DDX18: variants seen among roughly 807,000 people sequenced by gnomAD.
DDX18 encodes DEAD-box helicase 18, also known as ATP-dependent RNA helicase DDX18.
DDX18 carries 23 observed loss-of-function variants against 73.5 expected under a neutral mutation model. That is an observed-to-expected ratio of 0.31 (90% confidence interval 0.23 to 0.44). DDX18 has a LOEUF of 0.44. Ranked by LOEUF, DDX18 falls within the 20% of genes least tolerant of loss-of-function variation. The pLI is 1.00. For missense variants in DDX18, 753 were observed against 792.9 expected (o/e 0.95, Z 0.60); for synonymous variants, 268 against 282.7 (o/e 0.95, Z 0.52).
chr2:117,825,607 G>T lies in DDX18; in HGVS notation c.1521+8G>T. On this transcript the variant is annotated splice_region_variant and intron_variant, in intron 10 of 13. Coordinates refer to ENST00000263239, the MANE Select transcript of DDX18 (RefSeq NM_006773.4). ...CCTCCGGATGACCCTAAGGTAACTG[G>T]CATCTTTGGAATATCTTCAGAATGA... 1.2e-6 allele frequency: 2 copies of T among 1,609,710 alleles called. No individual in the cohort carries two copies. The highest frequency in any genetic ancestry group is 8.5e-7 in the Non-Finnish European group (1 of 1,177,750).
At chr2:117,818,094 G>A (rs1679788310) in intron 2 of DDX18, among the ~76,000 whole-genome samples, 1 of 151,998 alleles carries the variant, frequency 6.6e-6, no homozygotes, top group Non-Finnish European at 1.5e-5. Flanking sequence ...TAGTTACAAA[G>A]TATATAAAGT....
At chr2:117,828,067 C>G (rs1679964122) in intron 11 of DDX18, 1 of 152,186 alleles carries the variant, frequency 6.6e-6, no homozygotes, top group African/African-American at 2.4e-5. Flanking sequence ...TTGGATTTCT[C>G]TGATGGCCAG....
At chr2:117,814,888 TCAGAA>T in intron 1 of DDX18, 26 bp downstream of exon 1, 1 of 1,613,446 alleles carries the variant, frequency 6.2e-7, no homozygotes, top group South Asian at 1.1e-5. Context: ...TCGCGGTGGC[TCAGAA>T]GACCCACGCG....
chr2:117,817,346 T>C (rs1679776149), intron 1 of DDX18, 98 bp from the exon 2 acceptor site: 1 of 1,134,092 alleles, frequency 8.8e-7, no homozygotes, highest in Non-Finnish European at 1.2e-6. Context: ...CTAAATAATT[T>C]GTGTCAGGAA....
chr2:117,823,601 A>G (rs1288996191), intron 7 of DDX18, among the ~76,000 whole-genome samples: 3 of 152,170 alleles, frequency 2.0e-5, no homozygotes, highest in African/African-American at 7.2e-5. Context: ...TATATAGGCA[A>G]TCATGTGCAG....
At chr2:117,827,834 A>G (rs1305523956) in intron 11 of DDX18, 1 of 152,198 alleles carries the variant, frequency 6.6e-6, no homozygotes, top group Non-Finnish European at 1.5e-5. Context: ...TCCTTTGGGT[A>G]TATACCCAGT....
At chr2:117,817,401 T>G in intron 1 of DDX18, 43 bp from the exon 2 acceptor site, 1 of 1,515,436 alleles carries the variant, frequency 6.6e-7, no homozygotes, top group Non-Finnish European at 8.8e-7. Flanking sequence ...CTAAGTAAAC[T>G]TCTCCTTCTT....
At position 117,821,850 on chromosome 2, in the gene DDX18, T is replaced by C. The variant is rs377746362; in HGVS notation, c.752-12T>C. The C allele has an allele frequency of 4.3e-6, 7 of 1,613,836 alleles. No homozygotes were observed. The highest frequency in any genetic ancestry group is 5.9e-6 in the Non-Finnish European group (7 of 1,179,874). On this transcript the variant is annotated splice_polypyrimidine_tract_variant and intron_variant, in intron 5 of 13. Transcript: ENST00000263239. ...CAGCCACATTTAGACTTCTACCATATATCATTTTTAGGAACAGGAGTCCTT... is the reference window on the plus strand; with the variant it reads ...CAGCCACATTTAGACTTCTACCATACATCATTTTTAGGAACAGGAGTCCTT...
At chr2:117,822,338 G>C (rs1267291820) in intron 7 of DDX18, 77 bp downstream of exon 7, 2 of 1,151,792 alleles carry the variant, frequency 1.7e-6, no homozygotes, top group African/African-American at 3.1e-5. Context: ...TAGAAAAACT[G>C]TACTAATGCC....
chr2:117,825,549 A>C lies in DDX18; in HGVS notation c.1471A>C (p.Ile491Leu), dbSNP rs747672032. Residue 491 changes from isoleucine (I) to leucine (L), a missense_variant, in exon 10 of 14, where the codon ATT (isoleucine) becomes CTT (leucine). By Grantham distance (5) the Ile-to-Leu change is conservative. This residue lies in a region of DDX18 where 402 missense variants were observed against 419.4 expected (regional missense o/e 0.96). Coordinates refer to ENST00000263239, the MANE Select transcript of DDX18 (RefSeq NM_006773.4). Reference sequence around the variant, plus strand: ...GGATGTGGCAGCGAGAGGACTAGACATTCCTGAAGTCGACTGGATTGTTCA... The same window carrying C: ...GGATGTGGCAGCGAGAGGACTAGACCTTCCTGAAGTCGACTGGATTGTTCA... ...CTDVAARGLD[I>L]PEVDWIVQYD... The C allele has an allele frequency of 6.2e-7, 1 of 1,614,068 alleles. No individual in the cohort carries two copies. Among genetic ancestry groups the C allele is most frequent in the African/African-American group, 1.3e-5 (1 of 74,928 alleles).
intron 10 of DDX18, chr2:117,825,940 TTTCAA>T (rs1326158789): frequency 5.1e-6 from 2 of 389,736 alleles, no homozygotes; most frequent in African/African-American, 4.0e-5. Flanking sequence ...TGAGAAGTAT[TTTCAA>T]CAAACACTGG....
At position 117,814,705 on chromosome 2, in the gene DDX18, G is replaced by A. The variant is rs1679722825; in HGVS notation, c.-73G>A. ...CCGAGCTGCGCACGTGCGGCCGGAAGGGAAGTAACGTCAGCCTGAGAACTG... is the reference window on the plus strand; with the variant it reads ...CCGAGCTGCGCACGTGCGGCCGGAAAGGAAGTAACGTCAGCCTGAGAACTG... On this transcript the variant is annotated 5_prime_UTR_variant, in exon 1 of 14. Transcript: ENST00000263239. 3 of 1,485,216 alleles carry A rather than the reference G, an allele frequency of 2.0e-6. No individual in the cohort carries two copies. The highest frequency in any genetic ancestry group is 2.8e-6 in the Non-Finnish European group (3 of 1,077,346). 92.0% of individuals were successfully genotyped at this position (1,485,216 alleles called of 1,614,324 possible).
At position 117,829,210 on chromosome 2, in the gene DDX18, C is replaced by T. The variant is rs1368175340; in HGVS notation, c.1693-79C>T. Reference sequence around the variant, plus strand: ...ATGTTTTCCATGGAGTGGCTTTGCTCTAGGATATTTAAAATCTGGTGTTTT... The same window carrying T: ...ATGTTTTCCATGGAGTGGCTTTGCTTTAGGATATTTAAAATCTGGTGTTTT... On this transcript the variant is annotated intron_variant, in intron 12 of 13. Transcript: ENST00000263239. The T allele has an allele frequency of 5.5e-6, 8 of 1,457,034 alleles. No homozygotes were observed. The African/African-American group carries it at 1.1e-4, about 21-fold the overall frequency. 90.3% of individuals were successfully genotyped at this position (1,457,034 alleles called of 1,614,324 possible). A position where few individuals can be genotyped will look rare whatever the true frequency, so the allele number is the denominator to read the frequency against.
Position 117,825,584 on chromosome 2 carries a change from T to C in DDX18, c.1506T>C (p.Pro502=). The C allele has an allele frequency of 6.2e-7, 1 of 1,613,940 alleles. No individual in the cohort carries two copies. The highest frequency in any genetic ancestry group is 1.1e-5 in the South Asian group (1 of 91,068). The change falls in exon 10 of 14, where the codon CCT becomes CCC. Residue 502 remains proline (P), a synonymous_variant. Transcript: ENST00000263239. ...TCGACTGGATTGTTCAGTATGACCC[T>C]CCGGATGACCCTAAGGTAACTGGCA... ...PEVDWIVQYD[P]PDDPKEYIHR... is the part of the protein sequence containing the mutation.
In DDX18 at chr2:117,831,833, G is replaced by A. The variant is rs1292419950; in HGVS notation, c.*1109G>A. ...GAGCACTTGATTTCTAGTGTGTTTT[G>A]TACAGTATATAACTACAAGATAGTA... is the stretch of plus-strand genomic sequence containing the variant. On this transcript the variant is annotated 3_prime_UTR_variant, in exon 14 of 14. Coordinates refer to ENST00000263239, the MANE Select transcript of DDX18 (RefSeq NM_006773.4). The A allele has an allele frequency of 6.6e-6, 1 of 152,168 alleles. No homozygotes were observed. The highest frequency in any genetic ancestry group is 6.5e-5 in the Admixed American group (1 of 15,278). 9.4% of individuals were successfully genotyped at this position (152,168 alleles called of 1,614,324 possible). A position where few individuals can be genotyped will look rare whatever the true frequency, so the allele number is the denominator to read the frequency against.
chr2:117,817,550 C>T lies in DDX18; in HGVS notation c.192C>T (p.Gly64=), dbSNP rs1174416138. 33 of 1,613,800 alleles carry T rather than the reference C, an allele frequency of 2.0e-5. No individual in the cohort carries two copies. The highest frequency in any genetic ancestry group is 2.8e-5 in the Non-Finnish European group (33 of 1,179,948). ...KKSKQKPMNV[G]LSETQNGGMS... is the part of the protein sequence containing the mutation. Reference sequence around the variant, plus strand: ...CAAAACAAAAGCCCATGAATGTGGGCTTATCAGAAACTCAAAATGGAGGCA... The same window carrying T: ...CAAAACAAAAGCCCATGAATGTGGGTTTATCAGAAACTCAAAATGGAGGCA... Residue 64 remains glycine (G), a synonymous_variant, in exon 2 of 14, where the codon GGC becomes GGT. Coordinates refer to ENST00000263239, the MANE Select transcript of DDX18 (RefSeq NM_006773.4).
At chr2:117,830,121 A>G (rs1679996688) in intron 13 of DDX18, among the ~76,000 whole-genome samples, 1 of 152,184 alleles carries the variant, frequency 6.6e-6, no homozygotes, top group African/African-American at 2.4e-5. Context: ...CACCATCCCC[A>G]TTGTCAGCAT....
At position 117,825,535 on chromosome 2, in the gene DDX18, C is replaced by T. The variant is rs75914649; in HGVS notation, c.1457C>T (p.Ala486Val). 3 of 1,614,006 alleles carry T rather than the reference C, an allele frequency of 1.9e-6. No homozygotes were observed. The highest frequency in any genetic ancestry group is 1.3e-5 in the African/African-American group (1 of 75,028). Residue 486 changes from alanine to valine, a missense_variant, in exon 10 of 14, where the codon GCG becomes GTG. Around this residue, in one of 3 missense-constraint regions of DDX18, gnomAD observed 402 missense variants for 419.4 expected, o/e 0.96. Coordinates refer to ENST00000263239, the MANE Select transcript of DDX18 (RefSeq NM_006773.4). ...SGTLLCTDVAARGLDIPEVDW... is the reference protein window; with the variant it reads ...SGTLLCTDVAVRGLDIPEVDW... The stretch of plus-strand genomic sequence containing the variant: ...ACACTATTGTGTACGGATGTGGCAG[C>T]GAGAGGACTAGACATTCCTGAAGTC...
chr2:117,830,364 C>T (rs1266931494), intron 13 of DDX18, among the ~76,000 whole-genome samples: 2 of 151,980 alleles, frequency 1.3e-5, no homozygotes, highest in Admixed American at 6.6e-5. Context: ...TATTACACAC[C>T]GAAGTTTAAA....
Sources: gnomAD v4.1 joint callset for allele counts (sites outside exome capture counted in the v4.1 genomes callset) on GRCh38, gnomAD v4.1.1 for gene constraint, gnomAD v4.1.1 regional missense constraint, MANE v1.5 for transcripts, NCBI Gene and HGNC (gene_info 2026-07-23, HGNC 2026-07-21) for gene names.